Variants in GALNTL6 observed in about 807,000 individuals in gnomAD.
The protein encoded by GALNTL6 is polypeptide N-acetylgalactosaminyltransferase-like 6.
A neutral mutation model predicts 73.7 loss-of-function variants in GALNTL6; 46 were observed. The ratio of observed to expected loss-of-function variants is 0.62; its 90% CI spans 0.49 to 0.80. The LOEUF (loss-of-function observed/expected upper bound fraction) is 0.80. Ranked by LOEUF, GALNTL6 falls within the 30% of genes least tolerant of loss-of-function variation. The probability of loss-of-function intolerance (pLI) is 0.00; values close to 1 mark genes in which losing one functional copy is unlikely to be tolerated. For synonymous variants in GALNTL6, 259 were observed against 263.7 expected, an observed-to-expected ratio of 0.98 and a Z score of 0.17; for missense variants, 604 against 755.0, an observed-to-expected ratio of 0.80 and a Z score of 2.34.
chr4:172,099,037 C>A (rs1032306161), intron 2 of GALNTL6, among the ~76,000 whole-genome samples: 1 of 152,094 alleles, frequency 6.6e-6, no homozygotes, highest in Non-Finnish European at 1.5e-5. Context: ...CTGGATACCA[C>A]ACCTAAATAT....
chr4:172,212,279 A>G (rs1736349658), intron 2 of GALNTL6, among the ~76,000 whole-genome samples: 1 of 151,972 alleles, frequency 6.6e-6, no homozygotes, highest in Non-Finnish European at 1.5e-5. Context: ...CCCCTGCCTC[A>G]GCCTCCTGAG....
chr4:172,813,019 C>T (rs1470741709), intron 6 of GALNTL6, among the ~76,000 whole-genome samples: 1 of 152,070 alleles, frequency 6.6e-6, no homozygotes, highest in Non-Finnish European at 1.5e-5. Context: ...CTCTGGCAAA[C>T]CTGAGAGCAA....
intron 5 of GALNTL6, among the ~76,000 whole-genome samples, chr4:172,672,263 A>G (rs564216369): frequency 2.8e-4 from 42 of 152,234 alleles, no homozygotes; most frequent in Non-Finnish European, 6.2e-4. Flanking sequence ...TTCGATTGAG[A>G]TAATCATGTG....
chr4:172,283,279 C>T (rs996805171), intron 3 of GALNTL6, among the ~76,000 whole-genome samples: 6 of 152,036 alleles, frequency 3.9e-5, no homozygotes, highest in African/African-American at 1.2e-4. Flanking sequence ...CTGTATAATA[C>T]GGGTAATAAA....
At chr4:172,985,582 A>G (rs979991321) in intron 10 of GALNTL6, among the ~76,000 whole-genome samples, 2 of 152,144 alleles carry the variant, frequency 1.3e-5, no homozygotes, top group African/African-American at 4.8e-5. Context: ...TTACTACTCA[A>G]ACCAGCCTCC....
chr4:172,423,540 C>A (rs1000237889), intron 5 of GALNTL6, among the ~76,000 whole-genome samples: 2 of 152,004 alleles, frequency 1.3e-5, no homozygotes, highest in Non-Finnish European at 2.9e-5. Context: ...ATCCTGATAA[C>A]TAATATTTTC....
intron 7 of GALNTL6, among the ~76,000 whole-genome samples, chr4:172,854,501 A>C (rs1423010193): frequency 6.6e-6 from 1 of 152,190 alleles, no homozygotes; most frequent in Non-Finnish European, 1.5e-5. Context: ...TTTTATAAGA[A>C]TATACATCAT....
chr4:172,769,985 T>A (rs2332554), intron 5 of GALNTL6, among the ~76,000 whole-genome samples: 5 of 151,946 alleles, frequency 3.3e-5, no homozygotes, highest in Non-Finnish European at 7.4e-5. Flanking sequence ...CTTTTATAGC[T>A]GGGCGCGGTG....
rs542746239 is a variant in GALNTL6, at chr4:172,978,049, C to T, written c.1371+25791C>T. ...AGAGATGGGATTTCACCATGTTGGC[C>T]AAGCTGGTCTCAAAACTCCTGACCT... is the stretch of plus-strand genomic sequence containing the variant. On this transcript the variant is annotated intron_variant, in intron 10 of 12. Transcript: ENST00000506823. Among the ~76,000 whole-genome samples the T allele has an allele frequency of 9.9e-5, 15 of 152,254 alleles. 1 individual carries two copies. The South Asian group carries it at 3.1e-3, about 32-fold the overall frequency.
chr4:172,985,847 G>A (rs1368205253), intron 10 of GALNTL6, among the ~76,000 whole-genome samples: 1 of 152,178 alleles, frequency 6.6e-6, no homozygotes, highest in Non-Finnish European at 1.5e-5. Context: ...TACAGTAGTG[G>A]TTATCTATAG....
At chr4:172,513,156 CTTCT>C (rs1189994234) in intron 5 of GALNTL6, among the ~76,000 whole-genome samples, 1 of 151,772 alleles carries the variant, frequency 6.6e-6, no homozygotes, top group Non-Finnish European at 1.5e-5. Context: ...TTTTTTAATT[CTTCT>C]TTCTTTGTCT....
intron 8 of GALNTL6, among the ~76,000 whole-genome samples, chr4:172,903,713 C>T (rs561217042): frequency 6.6e-6 from 1 of 152,176 alleles, no homozygotes; most frequent in East Asian, 1.9e-4. Flanking sequence ...AGTTTGAGGT[C>T]CTTCAAGTTG....
intron 4 of GALNTL6, among the ~76,000 whole-genome samples, chr4:172,319,010 C>G (rs908129386): frequency 3.3e-5 from 5 of 152,090 alleles, no homozygotes; most frequent in East Asian, 3.9e-4. Context: ...ATACGTTGCT[C>G]TGTAAGGTTT....
intron 2 of GALNTL6, among the ~76,000 whole-genome samples, chr4:172,087,441 T>TCC: frequency 1.0e-5 from 1 of 98,166 alleles, no homozygotes; most frequent in Non-Finnish European, 2.1e-5. Flanking sequence ...TTAGACTCCA[T>TCC]CCCAAAAAAA....
At chr4:172,791,209 A>ATGGACAGT (rs1443505850) in intron 5 of GALNTL6, among the ~76,000 whole-genome samples, 1 of 152,214 alleles carries the variant, frequency 6.6e-6, no homozygotes, top group Non-Finnish European at 1.5e-5. Flanking sequence ...TTTCTGTATA[A>ATGGACAGT]TGGACAGTTT....
rs547611537 is a variant in GALNTL6 at position 171,895,821 on chromosome 4, C to A, written c.138+81103C>A. 4.0e-5 allele frequency among the ~76,000 whole-genome samples: 6 copies of A among 151,676 alleles called. No homozygotes were observed. In the South Asian group the frequency reaches 1.3e-3, roughly 32 times the overall value. ...AATTACATAAAAGAAAATACTTCTC[C>A]ACTTAATGAAAGATGGGAAATATGA... On this transcript the variant is annotated intron_variant, in intron 2 of 12. Coordinates refer to ENST00000506823, the MANE Select transcript of GALNTL6 (RefSeq NM_001034845.3).
At chr4:172,185,576 T>C (rs1735391872) in intron 2 of GALNTL6, among the ~76,000 whole-genome samples, 1 of 152,262 alleles carries the variant, frequency 6.6e-6, no homozygotes, top group African/African-American at 2.4e-5. Context: ...ATCATCTTTT[T>C]TGATAAATCA....
chr4:172,076,458 C>T (rs1356206918), intron 2 of GALNTL6, among the ~76,000 whole-genome samples: 3 of 151,752 alleles, frequency 2.0e-5, no homozygotes, highest in South Asian at 2.1e-4. Flanking sequence ...GCTGGAAGTA[C>T]GAATGAAACA....
intron 12 of GALNTL6, among the ~76,000 whole-genome samples, chr4:173,029,002 T>C (rs1753344957): frequency 6.6e-6 from 1 of 152,236 alleles, no homozygotes; most frequent in Non-Finnish European, 1.5e-5. Context: ...TTATGATATA[T>C]GCCAGGTTTT....
Sources: gnomAD v4.1 joint callset for allele counts (sites outside exome capture counted in the v4.1 genomes callset) on GRCh38, gnomAD v4.1.1 for gene constraint, MANE v1.5 for transcripts, NCBI Gene and HGNC (gene_info 2026-07-23, HGNC 2026-07-21) for gene names.